Variants in SPPL2B observed in about 807,000 individuals in gnomAD.
The protein encoded by SPPL2B is signal peptide peptidase like 2B.
Under a neutral mutation model 59.7 loss-of-function variants are expected in SPPL2B, and 39 were observed. The observed-to-expected ratio is 0.65, with a 90% CI of 0.51 to 0.85. SPPL2B has a LOEUF of 0.85. SPPL2B is among the 40% of genes least tolerant of loss of function. SPPL2B has a pLI of 0.00. For synonymous variants in SPPL2B, 419 were observed against 370.8 expected (o/e 1.13, Z -1.49); for missense variants, 865 against 849.0 (o/e 1.02, Z -0.23).
rs758009017 is a variant in SPPL2B, at chr19:2,351,521, C to T, written c.1442C>T (p.Thr481Met). Residue 481 changes from threonine to methionine, a missense_variant, in exon 14 of 15, where the codon ACG becomes ATG. By Grantham distance (81) the Thr-to-Met change is moderately conservative. Coordinates refer to ENST00000613503, the MANE Select transcript of SPPL2B (RefSeq NM_152988.3). ...QPALLYLVPC[T>M]LVTSCAVALW... ...GCTCTCCTCTACCTGGTGCCCTGCA[C>T]GCTGGTGACGAGCTGCGCTGTGGCG... 1.1e-5 allele frequency: 17 copies of T among 1,611,124 alleles called. No individual in the cohort carries two copies. In the South Asian group the frequency reaches 1.1e-4, roughly 10 times the overall value.
chr19:2,349,969 T>TAC (rs1471776670), intron 13 of SPPL2B, among the ~76,000 whole-genome samples: 2 of 130,248 alleles, frequency 1.5e-5, no homozygotes, highest in Admixed American at 7.9e-5. Context: ...GTTCTCTCTC[T>TAC]ACACACACTC....
At chr19:2,352,316 C>G in intron 14 of SPPL2B, among the ~76,000 whole-genome samples, 1 of 152,316 alleles carries the variant, frequency 6.6e-6, no homozygotes, top group East Asian at 1.9e-4. Flanking sequence ...AGCAGCCCTG[C>G]GCCATAGGGC....
intron 13 of SPPL2B, among the ~76,000 whole-genome samples, chr19:2,350,092 G>C (rs1377381785): frequency 7.9e-6 from 1 of 127,070 alleles, no homozygotes; most frequent in African/African-American, 3.1e-5. Context: ...GCTTGACTCT[G>C]TTCTCTCTCT....
At chr19:2,339,238 C>T (rs776612001) in intron 5 of SPPL2B, 30 bp downstream of exon 5, 17 of 1,587,550 alleles carry the variant, frequency 1.1e-5, no homozygotes, top group African/African-American at 5.4e-5. Flanking sequence ...TGTGCTGTGA[C>T]GGGGTCGGGC....
rs1970099601 is a variant in SPPL2B, at chr19:2,354,916, T to C, written c.*1707T>C. 6.6e-6 allele frequency: 1 copy of C among 152,288 alleles called. No individual in the cohort carries two copies. Among genetic ancestry groups the C allele is most frequent in the African/African-American group, 2.4e-5 (1 of 41,458 alleles). 9.4% of individuals were successfully genotyped at this position (152,288 alleles called of 1,614,324 possible). A position where few individuals can be genotyped will look rare whatever the true frequency, so the allele number is the denominator to read the frequency against. ...GCCTGGCTGTCCTGCAGAGGACGGATTGGAATTGCCACCGCAGGGCCGGCC... is the reference window on the plus strand; with the variant it reads ...GCCTGGCTGTCCTGCAGAGGACGGACTGGAATTGCCACCGCAGGGCCGGCC... On this transcript the variant is annotated 3_prime_UTR_variant, in exon 15 of 15. Coordinates refer to ENST00000613503, the MANE Select transcript of SPPL2B (RefSeq NM_152988.3).
intron 1 of SPPL2B, 79 bp downstream of exon 1, chr19:2,328,854 G>GT: frequency 8.2e-7 from 1 of 1,224,644 alleles, no homozygotes; most frequent in Non-Finnish European, 1.0e-6. Context: ...GCGCAGGAAC[G>GT]ACCCCGCTCG....
At chr19:2,343,115 TG>T in intron 8 of SPPL2B, 95 bp from the exon 9 acceptor site, 1 of 967,782 alleles carries the variant, frequency 1.0e-6, no homozygotes, top group Non-Finnish European at 1.6e-6. Flanking sequence ...GGCTGCGTGC[TG>T]GCTGAGAGCA....
intron 7 of SPPL2B, chr19:2,340,400 C>T: frequency 4.8e-6 from 3 of 624,134 alleles, no homozygotes; most frequent in South Asian, 3.5e-5. Flanking sequence ...GGAGGGTGCC[C>T]TTGTCCCCAG....
At chr19:2,340,581 G>A in intron 7 of SPPL2B, 1 of 545,134 alleles carries the variant, frequency 1.8e-6, no homozygotes, top group Non-Finnish European at 3.3e-6. Flanking sequence ...TAGCCCAGGG[G>A]GAGACCTTTT....
At chr19:2,340,486 C>G in intron 7 of SPPL2B, 1 of 609,634 alleles carries the variant, frequency 1.6e-6, no homozygotes, top group Non-Finnish European at 3.0e-6. Flanking sequence ...TTCCCCACAG[C>G]CCAGAGCTTG....
intron 13 of SPPL2B, among the ~76,000 whole-genome samples, chr19:2,348,589 ACT>A (rs1445934391): frequency 1.2e-5 from 1 of 86,488 alleles, no homozygotes; most frequent in African/African-American, 5.6e-5. Flanking sequence ...AGACTCATGC[ACT>A]CTCATTCGCC....
chr19:2,335,520 C>A (rs1189055404), intron 2 of SPPL2B, among the ~76,000 whole-genome samples: 2 of 150,568 alleles, frequency 1.3e-5, no homozygotes, highest in Admixed American at 6.6e-5. Context: ...GGCCCCGCCT[C>A]CTTTCTCACT....
At position 2,340,889 on chromosome 19, in the gene SPPL2B, G is replaced by GC. The variant is rs779590679; in HGVS notation, c.840-3dup. 3.2e-6 allele frequency: 5 copies of GC among 1,564,278 alleles called. No homozygotes were observed. Among genetic ancestry groups the GC allele is most frequent in the Non-Finnish European group, 4.3e-6 (5 of 1,154,624 alleles). On this transcript the variant is annotated splice_polypyrimidine_tract_variant and intron_variant, in intron 7 of 14. Coordinates refer to ENST00000613503, the MANE Select transcript of SPPL2B (RefSeq NM_152988.3). Reference sequence around the variant, plus strand: ...GTGGGCTTGGCTCTGACTGCCCCGTGCCCCCCAGGATCCCCAACAACAGCC... The same window carrying GC: ...GTGGGCTTGGCTCTGACTGCCCCGTGCCCCCCCAGGATCCCCAACAACAGCC...
At chr19:2,336,898 GGTGT>G (rs368029610) in intron 2 of SPPL2B, among the ~76,000 whole-genome samples, 5,623 of 124,314 alleles carry the variant, frequency 0.045, 134 homozygotes, top group Non-Finnish European at 0.067. Context: ...TCTGGCTGTG[GGTGT>G]GTGTGTGTGT....
intron 7 of SPPL2B, chr19:2,340,541 A>C: frequency 3.5e-6 from 2 of 579,208 alleles, no homozygotes; most frequent in Non-Finnish European, 6.3e-6. Context: ...GGTCTCCAAC[A>C]AAGTCAGACC....
At chr19:2,335,654 C>T (rs1362780703) in intron 2 of SPPL2B, among the ~76,000 whole-genome samples, 9 of 136,236 alleles carry the variant, frequency 6.6e-5, no homozygotes, top group Non-Finnish European at 7.9e-5. Context: ...CCTTTCCCAC[C>T]CCATCCCTCA....
chr19:2,328,802 A>C, intron 1 of SPPL2B, 27 bp downstream of exon 1: 1 of 1,357,326 alleles, frequency 7.4e-7, no homozygotes, highest in Non-Finnish European at 9.4e-7. Flanking sequence ...TCCCGACGGC[A>C]CCGCGGGCTG....
rs1464117553 is a variant in SPPL2B at position 2,337,384 on chromosome 19, G to C, written c.187-59G>C. 5 of 1,484,124 alleles carry C rather than the reference G, an allele frequency of 3.4e-6. No homozygotes were observed. In the Admixed American group the frequency reaches 1.0e-4, roughly 30 times the overall value. 91.9% of individuals were successfully genotyped at this position (1,484,124 alleles called of 1,614,324 possible). A position where few individuals can be genotyped will look rare whatever the true frequency, so the allele number is the denominator to read the frequency against. On this transcript the variant is annotated intron_variant, in intron 2 of 14. Transcript: ENST00000613503. ...CAGGCTTCAGGTGGGAGAACGGGCA[G>C]CTGGGCCCTCCTGGTGACTCACATC...
At position 2,339,966 on chromosome 19, in the gene SPPL2B, G is replaced by A. The variant is rs754718982; in HGVS notation, c.742G>A (p.Val248Met). ...GCTCTACTATTTCTACGATCTCCTCGGTGCGCGGCCCCGGGCGGGTGGGCC... is the reference window on the plus strand; with the variant it reads ...GCTCTACTATTTCTACGATCTCCTCAGTGCGCGGCCCCGGGCGGGTGGGCC... ...VLLYYFYDLLVYVVIGIFCLA... is the reference protein window; with the variant it reads ...VLLYYFYDLLMYVVIGIFCLA... Residue 248 changes from valine to methionine, a missense_variant and splice_region_variant, in exon 6 of 15, where the codon GTG (valine) becomes ATG (methionine). Val to Met is a conservative substitution (Grantham distance 21). Coordinates refer to ENST00000613503, the MANE Select transcript of SPPL2B (RefSeq NM_152988.3). 9 of 1,553,290 alleles carry A rather than the reference G, an allele frequency of 5.8e-6. No individual in the cohort carries two copies. Among genetic ancestry groups the A allele is most frequent in the South Asian group, 3.6e-5 (3 of 84,404 alleles).
Sources: allele counts gnomAD v4.1 joint callset (sites outside exome capture counted in the v4.1 genomes callset), GRCh38; gene constraint gnomAD v4.1.1; transcripts MANE v1.5; gene names NCBI Gene and HGNC (gene_info 2026-07-23, HGNC 2026-07-21).